Variants in PGBD5 observed in about 807,000 individuals in gnomAD.
PGBD5 encodes piggyBac transposable element-derived protein 5.
A neutral mutation model predicts 47.9 loss-of-function variants in PGBD5; 14 were observed. The ratio of observed to expected loss-of-function variants is 0.29; its 90% CI spans 0.19 to 0.46. The LOEUF is 0.46. Among genes scored for constraint, PGBD5 ranks in the 20% least tolerant of loss-of-function variants. PGBD5 has a pLI of 1.00. For missense variants in PGBD5, 635 were observed against 716.0 expected (o/e 0.89, Z 1.29); for synonymous variants, 316 against 306.3 (o/e 1.03, Z -0.33).
At chr1:230,329,343 TA>T (rs762321365) in intron 5 of PGBD5, among the ~76,000 whole-genome samples, 3 of 151,334 alleles carry the variant, frequency 2.0e-5, no homozygotes, top group South Asian at 2.1e-4. Flanking sequence ...GAATCTGGAG[TA>T]AAAAAAAATT....
chr1:230,397,340 C>T (rs1332534043), intron 1 of PGBD5, among the ~76,000 whole-genome samples: 1 of 152,210 alleles, frequency 6.6e-6, no homozygotes, highest in Non-Finnish European at 1.5e-5. Context: ...AAAGTAAAAA[C>T]ACCACCATAG....
intron 3 of PGBD5, among the ~76,000 whole-genome samples, chr1:230,347,866 A>G (rs1317807539): frequency 6.6e-6 from 1 of 152,184 alleles, no homozygotes; most frequent in African/African-American, 2.4e-5. Flanking sequence ...CCATATAATA[A>G]ACATTTACTA....
chr1:230,396,559 G>GCCC (rs61206058), intron 1 of PGBD5, among the ~76,000 whole-genome samples: 9 of 117,564 alleles, frequency 7.7e-5, no homozygotes, highest in African/African-American at 1.9e-4. Flanking sequence ...ACATTTTGTT[G>GCCC]CCCCCCCTCC....
chr1:230,354,650 C>T (rs985600400), intron 2 of PGBD5, among the ~76,000 whole-genome samples: 14 of 152,150 alleles, frequency 9.2e-5, no homozygotes, highest in African/African-American at 3.4e-4. Flanking sequence ...CAAGGTAAAG[C>T]TCTGCCCACC....
intron 1 of PGBD5, among the ~76,000 whole-genome samples, chr1:230,394,270 C>G (rs1388144669): frequency 6.6e-6 from 1 of 151,844 alleles, no homozygotes; most frequent in Non-Finnish European, 1.5e-5. Flanking sequence ...TTCGTTTCCC[C>G]TAAAAAACTC....
intron 1 of PGBD5, among the ~76,000 whole-genome samples, chr1:230,418,094 C>G (rs1200066020): frequency 1.3e-5 from 2 of 152,120 alleles, no homozygotes; most frequent in Non-Finnish European, 2.9e-5. Flanking sequence ...CAGGACAGCC[C>G]CCCACCAGCA....
In PGBD5 at chr1:230,426,305, T is replaced by C. The variant is rs191821173; in HGVS notation, c.-377A>G. 7,969 of 148,734 alleles carry C rather than the reference T, an allele frequency of 0.054. 767 individuals are homozygous for C. Among genetic ancestry groups the C allele is most frequent in the East Asian group, 0.28 (1,416 of 5,072 alleles). The allele number at this position is 148,734 out of a possible 1,614,324, so 9.2% of individuals were successfully genotyped here. A position where few individuals can be genotyped will look rare whatever the true frequency, so the allele number is the denominator to read the frequency against. On this transcript the variant is annotated 5_prime_UTR_variant, in exon 1 of 7. Transcript: ENST00000391860. ...GCGCCCGCCGCCTCCCTGCCCGCCC[T>C]CTCCACGGCCTCCGGCGCTCGGCTG...
chr1:230,325,241 C>T (rs1293110194), intron 6 of PGBD5, 69 bp downstream of exon 6: 1 of 1,129,276 alleles, frequency 8.9e-7, no homozygotes, highest in Non-Finnish European at 1.3e-6. Flanking sequence ...TGATCATCTG[C>T]CATTACATCT....
At chr1:230,392,719 T>C (rs1245499763) in intron 1 of PGBD5, among the ~76,000 whole-genome samples, 1 of 151,828 alleles carries the variant, frequency 6.6e-6, no homozygotes. Flanking sequence ...CCCAAGGAAA[T>C]CCCCCGTGCG....
intron 1 of PGBD5, among the ~76,000 whole-genome samples, chr1:230,387,020 G>A (rs116270084): frequency 3.9e-4 from 59 of 152,276 alleles, no homozygotes; most frequent in African/African-American, 1.4e-3. Context: ...TTAGGGGCCC[G>A]GAAGAGCCTC....
chr1:230,388,517 G>A (rs959274339), intron 1 of PGBD5, among the ~76,000 whole-genome samples: 1 of 151,190 alleles, frequency 6.6e-6, no homozygotes, highest in Non-Finnish European at 1.5e-5. Context: ...CTGGGTTCAC[G>A]CCATTCTCCT....
At position 230,349,139 on chromosome 1, in the gene PGBD5, C is replaced by G. The variant is rs191274661; in HGVS notation, c.894+1819G>C. 9.6e-3 allele frequency among the ~76,000 whole-genome samples: 1,463 copies of G among 152,330 alleles called. 84 individuals are homozygous for G. The highest frequency in any genetic ancestry group is 0.078 in the Admixed American group (1,198 of 15,306). Reference sequence around the variant, plus strand: ...GAGAGATCTGTGGCCTTGGCCTTGCCTGGTGACAGATGTGATTTCTAGCTC... The same window carrying G: ...GAGAGATCTGTGGCCTTGGCCTTGCGTGGTGACAGATGTGATTTCTAGCTC... On this transcript the variant is annotated intron_variant, in intron 3 of 6. Transcript: ENST00000391860.
chr1:230,387,024 G>T (rs2102729947), intron 1 of PGBD5, among the ~76,000 whole-genome samples: 1 of 152,306 alleles, frequency 6.6e-6, no homozygotes, highest in Admixed American at 6.5e-5. Context: ...GGGCCCGGAA[G>T]AGCCTCACTG....
chr1:230,340,051 C>T (rs1667387356), intron 3 of PGBD5, among the ~76,000 whole-genome samples: 1 of 151,930 alleles, frequency 6.6e-6, no homozygotes, highest in African/African-American at 2.4e-5. Flanking sequence ...CTCGATTTGG[C>T]CATTTCAGTG....
chr1:230,399,869 G>A (rs982368003), intron 1 of PGBD5, among the ~76,000 whole-genome samples: 42 of 152,344 alleles, frequency 2.8e-4, no homozygotes, highest in African/African-American at 9.4e-4. Flanking sequence ...TTCACAACAC[G>A]TCAGGAATCT....
intron 5 of PGBD5, 144 bp downstream of exon 5, chr1:230,332,700 C>G: frequency 1.1e-6 from 1 of 934,168 alleles, no homozygotes; most frequent in Non-Finnish European, 1.6e-6. Context: ...AGCGTGGCCC[C>G]AGATGCTGGG....
chr1:230,425,923 G>C lies in PGBD5; in HGVS notation c.6C>G (p.Ala2=), dbSNP rs1359612611. M[A]EGGGGARRRA... ...TCCTCCGCGCGCCCCCGCCGCCCTCGGCCATGGCCCCGGCCGCCGCCCGCG... is the reference window on the plus strand; with the variant it reads ...TCCTCCGCGCGCCCCCGCCGCCCTCCGCCATGGCCCCGGCCGCCGCCCGCG... The change falls in exon 1 of 7, where the codon GCC becomes GCG. Residue 2 remains alanine, a synonymous_variant. Transcript: ENST00000391860. This position sits in a 1 kb window ranked among gnomAD's most constrained non-coding sequence, Gnocchi z 4.7. 2.5e-5 allele frequency: 27 copies of C among 1,082,856 alleles called. No individual in the cohort carries two copies. Among genetic ancestry groups the C allele is most frequent in the South Asian group, 9.0e-5 (2 of 22,190 alleles). 67.1% of individuals were successfully genotyped at this position (1,082,856 alleles called of 1,614,324 possible).
intron 5 of PGBD5, among the ~76,000 whole-genome samples, chr1:230,328,991 G>A (rs1667166925): frequency 6.6e-6 from 1 of 151,648 alleles, no homozygotes; most frequent in Non-Finnish European, 1.5e-5. Flanking sequence ...GAAGTGCAGT[G>A]TCACGATCTT....
At chr1:230,382,068 G>A (rs888429752) in intron 1 of PGBD5, among the ~76,000 whole-genome samples, 1 of 148,028 alleles carries the variant, frequency 6.8e-6, no homozygotes, top group African/African-American at 2.7e-5. Context: ...ACTGTTGGAC[G>A]TTAGTACTGT....
Sources: gnomAD v4.1 joint callset for allele counts (sites outside exome capture counted in the v4.1 genomes callset) on GRCh38, gnomAD v4.1.1 for gene constraint, Gnocchi (gnomAD v3.1) non-coding constraint, MANE v1.5 for transcripts, NCBI Gene and HGNC (gene_info 2026-07-23, HGNC 2026-07-21) for gene names.